The following ATP11C variants were observed in gnomAD, a reference collection of about 807,000 sequenced individuals.
The protein encoded by ATP11C is ATPase phospholipid transporting 11C (ATP11C blood group).
ATP11C carries 36 observed loss-of-function variants against 97.4 expected under a neutral mutation model. That is an observed-to-expected ratio of 0.37 (90% CI 0.28 to 0.49). ATP11C has a LOEUF of 0.49. Ranked by LOEUF, ATP11C falls within the 20% of genes least tolerant of loss-of-function variation. ATP11C has a pLI of 0.98. For missense variants in ATP11C, 730 were observed against 824.6 expected, an observed-to-expected ratio of 0.89 and a Z score of 1.40; for synonymous variants, 275 against 290.9, an observed-to-expected ratio of 0.95 and a Z score of 0.56.
intron 1 of ATP11C, among the ~76,000 whole-genome samples, chrX:139,915,118 C>T (rs1053731955): frequency 9.0e-6 from 1 of 111,064 alleles, no homozygotes; most frequent in East Asian, 2.8e-4. Flanking sequence ...ATGCCTACAC[C>T]TAAAGTAAAA....
intron 2 of ATP11C, among the ~76,000 whole-genome samples, chrX:139,821,790 G>C (rs1162325391): frequency 8.9e-6 from 1 of 112,186 alleles, no homozygotes; most frequent in African/African-American, 3.2e-5. Context: ...TTAGCACACA[G>C]AAGATATACA....
intron 1 of ATP11C, among the ~76,000 whole-genome samples, chrX:139,857,805 CTT>C (rs1316336203): frequency 9.1e-6 from 1 of 109,374 alleles, no homozygotes; most frequent in African/African-American, 3.4e-5. Context: ...AAAAAAAAAA[CTT>C]TTGGAGCCAT....
In ATP11C at chrX:139,762,029, GTTTC is replaced by G; in HGVS notation, c.2568_2571del (p.Lys856AsnfsTer12). 1.7e-6 allele frequency: 2 copies of G among 1,206,448 alleles called. No homozygotes were observed. The highest frequency in any genetic ancestry group is 2.2e-6 in the Non-Finnish European group (2 of 891,035). ...TATAGATGTCCATGAGCCAACAGCAGTTTCTTTAAGTGTTTAAACTTTGGAACAG... is the reference window on the plus strand; with the variant it reads ...TATAGATGTCCATGAGCCAACAGCAGTTTAAGTGTTTAAACTTTGGAACAG... On this transcript the variant is annotated frameshift_variant, in exon 22 of 30. Coordinates refer to ENST00000682941, the MANE Select transcript of ATP11C (RefSeq NM_001353812.2). LOFTEE classifies it high-confidence loss of function.
At chrX:139,740,231 ATTTAAAAATAAAATATATGTTT>A in intron 27 of ATP11C, among the ~76,000 whole-genome samples, 1 of 111,811 alleles carries the variant, frequency 8.9e-6, no homozygotes, top group African/African-American at 3.3e-5. Context: ...CAACTCTGAC[ATTTAAAAATAAAATATATGTTT>A]TTGGGAGTAA....
intron 1 of ATP11C, among the ~76,000 whole-genome samples, chrX:139,894,782 AT>A (rs199922091): frequency 8.9e-6 from 1 of 112,360 alleles, no homozygotes; most frequent in Admixed American, 9.5e-5. Flanking sequence ...AATAAAAATA[AT>A]AAAAAACTAA....
intron 1 of ATP11C, among the ~76,000 whole-genome samples, chrX:139,906,478 T>C (rs2084978544): frequency 9.3e-6 from 1 of 107,695 alleles, no homozygotes. Flanking sequence ...GGTCCTAGCA[T>C]AACTCATTAA....
chrX:139,847,045 T>A (rs995716687), intron 1 of ATP11C, among the ~76,000 whole-genome samples: 5 of 110,630 alleles, frequency 4.5e-5, no homozygotes, highest in African/African-American at 1.6e-4. Context: ...CCACTCCACA[T>A]ACATGACCTA....
chrX:139,876,217 A>C (rs1299080500), intron 1 of ATP11C, among the ~76,000 whole-genome samples: 2 of 111,851 alleles, frequency 1.8e-5, no homozygotes, highest in Non-Finnish European at 3.8e-5. Context: ...CTGTTGATAA[A>C]GTGTCCATTG....
In ATP11C at chrX:139,742,875, AAATATAT is replaced by A. The variant is rs1334446988; in HGVS notation, c.3030+677_3030+683del. Among the ~76,000 whole-genome samples the A allele has an allele frequency of 7.6e-3, 197 of 25,976 alleles. 1 individual carries two copies. The highest frequency in any genetic ancestry group is 0.027 in the African/African-American group (181 of 6,646). 22.6% of individuals were successfully genotyped at this position (25,976 alleles called of 115,157 possible). ...ATTTATTTTTAAATTAAAAAAAAAA[AAATATAT>A]ATATATATATATATATATATATATA... On this transcript the variant is annotated intron_variant, in intron 26 of 29. Transcript: ENST00000682941.
At chrX:139,803,685 CTTTTTTTTTTT>C (rs140315105) in intron 6 of ATP11C, among the ~76,000 whole-genome samples, 22 of 38,263 alleles carry the variant, frequency 5.7e-4, no homozygotes, top group African/African-American at 1.6e-3. Context: ...TACACCCTAT[CTTTTTTTTTTT>C]TTTTTTTTTT....
At chrX:139,811,234 T>C (rs186029485) in intron 5 of ATP11C, among the ~76,000 whole-genome samples, 166 of 111,610 alleles carry the variant, frequency 1.5e-3, no homozygotes, top group African/African-American at 5.2e-3. Context: ...CTATTATAAG[T>C]CTCATTCTCT....
Position 139,819,324 on chromosome X carries a change from T to C in ATP11C, c.237+14A>G. ...AGTTTCTAAAAGTTAAGTGGCTGTT[T>C]AAGGAGCTCTTACCTGTACAAGGAA... On this transcript the variant is annotated intron_variant, in intron 3 of 29. Transcript: ENST00000682941. The C allele has an allele frequency of 1.1e-6, 1 of 906,417 alleles. No individual in the cohort carries two copies. Among genetic ancestry groups the C allele is most frequent in the Non-Finnish European group, 1.5e-6 (1 of 666,521 alleles). 74.7% of individuals were successfully genotyped at this position (906,417 alleles called of 1,213,427 possible).
rs7885157 is a variant in ATP11C, at chrX:139,902,618, T to C, written c.27+29398A>G. Among the ~76,000 whole-genome samples the C allele has an allele frequency of 5.7e-3, 637 of 111,984 alleles. 11 individuals are homozygous for C. Among genetic ancestry groups the C allele is most frequent in the African/African-American group, 0.019 (584 of 30,858 alleles). The stretch of plus-strand genomic sequence containing the variant: ...ACAAACTATGTTTTTAAACCTTACG[T>C]CAAAATTCCTAAGGTCATGATGGAT... On this transcript the variant is annotated intron_variant, in intron 1 of 29. Transcript: ENST00000682941.
chrX:139,936,133 A>AT (rs935416559), upstream of ATP11C, among the ~76,000 whole-genome samples: 18 of 109,782 alleles, frequency 1.6e-4, no homozygotes, highest in Admixed American at 1.9e-4. Context: ...CCTCATCTTT[A>AT]TTTTTTTTTA....
intron 1 of ATP11C, among the ~76,000 whole-genome samples, chrX:139,897,059 C>G (rs2084821311): frequency 1.8e-5 from 2 of 109,251 alleles, no homozygotes; most frequent in South Asian, 4.0e-4. Context: ...GACATCACGT[C>G]TCTCCTAAAA....
chrX:139,909,285 C>T (rs2085031724), intron 1 of ATP11C, among the ~76,000 whole-genome samples: 1 of 110,853 alleles, frequency 9.0e-6, no homozygotes, highest in South Asian at 3.9e-4. Flanking sequence ...GCACCTGCCA[C>T]CACGCCTGGC....
At position 139,802,906 on chromosome X, in the gene ATP11C, G is replaced by C. The variant is rs150635921; in HGVS notation, c.556-567C>G. 5.0e-4 allele frequency among the ~76,000 whole-genome samples: 56 copies of C among 111,810 alleles called. No individual in the cohort carries two copies. The East Asian group carries it at 0.015, about 30-fold the overall frequency. ...CAGGGAGATGACGTGTCTTGCATTA[G>C]TCAGATAATTAGAATATTCTACTAG... On this transcript the variant is annotated intron_variant, in intron 6 of 29. Transcript: ENST00000682941.
At chrX:139,861,435 G>C (rs968426481) in intron 1 of ATP11C, among the ~76,000 whole-genome samples, 1 of 111,808 alleles carries the variant, frequency 8.9e-6, no homozygotes, top group Non-Finnish European at 1.9e-5. Context: ...ATGCTGACAA[G>C]TGGAGATAAC....
Position 139,802,223 on chromosome X carries a change from A to G in ATP11C, c.659+13T>C. ...CAACAAACAGAAGTAAAATGAAACC[A>G]GGTGATTCTTACTTGTAGAGGTCAG... On this transcript the variant is annotated intron_variant, in intron 7 of 29. Transcript: ENST00000682941. The G allele has an allele frequency of 8.8e-7, 1 of 1,136,853 alleles. No individual in the cohort carries two copies. The highest frequency in any genetic ancestry group is 1.2e-6 in the Non-Finnish European group (1 of 828,071). The allele number at this position is 1,136,853 out of a possible 1,213,427, so 93.7% of individuals were successfully genotyped here.
Sources: allele counts gnomAD v4.1 joint callset (sites outside exome capture counted in the v4.1 genomes callset), GRCh38; gene constraint gnomAD v4.1.1; transcripts MANE v1.5; gene names NCBI Gene and HGNC (gene_info 2026-07-23, HGNC 2026-07-21).